RRM2: variants seen among roughly 807,000 people sequenced by gnomAD.
The protein encoded by RRM2 is ribonucleotide reductase regulatory subunit M2, also known as ribonucleoside-diphosphate reductase subunit M2.
RRM2 carries 6 observed loss-of-function variants against 45.9 expected under a neutral mutation model. The ratio of observed to expected loss-of-function variants is 0.13; its 90% CI spans 0.07 to 0.26. The LOEUF (loss-of-function observed/expected upper bound fraction) is 0.26, where lower values mean the gene tolerates loss of function less well. RRM2 is among the 10% of genes least tolerant of loss of function. The pLI is 1.00. For synonymous variants in RRM2, 177 were observed against 173.0 expected, an observed-to-expected ratio of 1.02 and a Z score of -0.18; for missense variants, 343 against 489.5, an observed-to-expected ratio of 0.70 and a Z score of 2.82.
chr2:10,148,803 A>T (rs1157633139), intron 3 of RRM2, among the ~76,000 whole-genome samples: 1 of 152,160 alleles, frequency 6.6e-6, no homozygotes, highest in African/African-American at 2.4e-5. Flanking sequence ...ATCTTTAAAT[A>T]TTTATGTTCC....
intron 3 of RRM2, among the ~76,000 whole-genome samples, chr2:10,173,249 C>T (rs62129922): frequency 0.3 from 46,094 of 152,000 alleles, 7,366 homozygotes; most frequent in South Asian, 0.5. Flanking sequence ...GTGTCGGCCA[C>T]GAAGATTATT....
At chr2:10,153,424 A>G (rs1663359030) in intron 3 of RRM2, among the ~76,000 whole-genome samples, 1 of 151,946 alleles carries the variant, frequency 6.6e-6, no homozygotes, top group African/African-American at 2.4e-5. Flanking sequence ...CTGCCTTGTT[A>G]GTTAATTTTT....
chr2:10,145,541 G>A (rs575483704), intron 3 of RRM2: 2 of 152,436 alleles, frequency 1.3e-5, no homozygotes, highest in East Asian at 3.9e-4. Flanking sequence ...GAACAACACT[G>A]GATTGGCAAG....
rs555007993 is a variant in RRM2 at position 10,204,682 on chromosome 2, C to G, written n.483-5629C>G. Among the ~76,000 whole-genome samples the G allele has an allele frequency of 3.9e-5, 6 of 152,260 alleles. No individual in the cohort carries two copies. Among genetic ancestry groups the G allele is most frequent in the Non-Finnish European group, 5.9e-5 (4 of 68,042 alleles). On this transcript the variant is annotated intron_variant and non_coding_transcript_variant, in intron 3 of 3. Coordinates refer to the RRM2 transcript ENST00000381786. This position sits in a 1 kb window ranked among gnomAD's most constrained non-coding sequence, Gnocchi z 4.0. ...TGATTCTGCCTGGCTTTTGTGAACA[C>G]GTCTGCGCTGACTAATTTGTTTAAT...
upstream of RRM2, among the ~76,000 whole-genome samples, chr2:10,141,032 C>T (rs200532753): frequency 3.9e-5 from 6 of 152,022 alleles, no homozygotes; most frequent in African/African-American, 9.7e-5. Context: ...GGCTGCATCT[C>T]GCCCACGTCG....
intron 3 of RRM2, among the ~76,000 whole-genome samples, chr2:10,159,471 G>A (rs912201872): frequency 6.6e-6 from 1 of 152,158 alleles, no homozygotes; most frequent in Non-Finnish European, 1.5e-5. Flanking sequence ...TCTCTCCTCC[G>A]ACTCAGTTCC....
At chr2:10,196,956 C>T (rs965121541) in intron 3 of RRM2, among the ~76,000 whole-genome samples, 2 of 152,204 alleles carry the variant, frequency 1.3e-5, no homozygotes, top group African/African-American at 2.4e-5. Context: ...AGCACCAACA[C>T]TGGCCTTTTG....
intron 3 of RRM2, among the ~76,000 whole-genome samples, chr2:10,153,648 A>C (rs912429930): frequency 6.6e-6 from 1 of 152,158 alleles, no homozygotes; most frequent in Non-Finnish European, 1.5e-5. Context: ...AGATTGGCAT[A>C]GTTCTCAGCA....
chr2:10,122,907 C>T lies in RRM2; in HGVS notation c.99+10C>T, dbSNP rs1048121243. On this transcript the variant is annotated intron_variant, in intron 1 of 9. Coordinates refer to ENST00000304567, the MANE Select transcript of RRM2 (RefSeq NM_001034.4). ...CGACAAGGAGAACACGGTGAGCCCG[C>T]GGGGAGGGCGCTGCGGGCAGGGGAG... 1.5e-5 allele frequency: 23 copies of T among 1,569,570 alleles called. No homozygotes were observed. Among genetic ancestry groups the T allele is most frequent in the East Asian group, 4.6e-5 (2 of 43,332 alleles).
At chr2:10,136,520 A>G (rs1285847544), upstream of RRM2, among the ~76,000 whole-genome samples, 8 of 152,308 alleles carry the variant, frequency 5.3e-5, no homozygotes, top group East Asian at 9.7e-4. Context: ...CTGCAATGTC[A>G]ACACTGGGAG....
intron 4 of RRM2, 64 bp from the exon 5 acceptor site, chr2:10,124,653 A>T: frequency 6.3e-7 from 1 of 1,584,240 alleles, no homozygotes; most frequent in South Asian, 1.1e-5. Flanking sequence ...TGCTGCCAGT[A>T]TCCGTTGACA....
chr2:10,145,679 C>T (rs900519117), intron 3 of RRM2: 6 of 152,326 alleles, frequency 3.9e-5, no homozygotes, highest in Non-Finnish European at 2.9e-5. Context: ...CTCAGTGGTC[C>T]TGGGCCCCAG....
intron 3 of RRM2, among the ~76,000 whole-genome samples, chr2:10,152,386 T>A (rs1036518671): frequency 1.3e-5 from 2 of 152,174 alleles, no homozygotes; most frequent in Admixed American, 6.5e-5. Context: ...TTTTATTCAG[T>A]GTCTTTTGAA....
At position 10,172,097 on chromosome 2, in the gene RRM2, G is replaced by C. The variant is rs78100192; in HGVS notation, n.482+29722G>C. ...TTGAGCATGAGTGCATTAACAGGGG[G>C]AACGTCTGTGTTTACAGGGCATGCG... is the stretch of plus-strand genomic sequence containing the variant. On this transcript the variant is annotated intron_variant and non_coding_transcript_variant, in intron 3 of 3. Transcript: ENST00000381786. This position sits in a 1 kb window ranked among gnomAD's most constrained non-coding sequence, Gnocchi z 4.9. 1.4e-3 allele frequency among the ~76,000 whole-genome samples: 218 copies of C among 152,344 alleles called. 1 individual carries two copies. Among genetic ancestry groups the C allele is most frequent in the African/African-American group, 4.9e-3 (204 of 41,572 alleles).
Position 10,209,332 on chromosome 2 carries a change from A to G in RRM2, n.483-979A>G, listed in dbSNP as rs190852371. Among the ~76,000 whole-genome samples the G allele has an allele frequency of 1.1e-3, 162 of 151,768 alleles. 1 individual carries two copies. Among genetic ancestry groups the G allele is most frequent in the Admixed American group, 9.8e-3 (149 of 15,252 alleles). The stretch of plus-strand genomic sequence containing the variant: ...CTTGGCCTCCCAAAGTGCTGGGATT[A>G]CCCCTGTGAGCCACCGCACCCAGCC... On this transcript the variant is annotated intron_variant and non_coding_transcript_variant, in intron 3 of 3. Transcript: ENST00000381786.
intron 3 of RRM2, among the ~76,000 whole-genome samples, chr2:10,178,995 G>A (rs1663989871): frequency 6.6e-6 from 1 of 152,166 alleles, no homozygotes; most frequent in Non-Finnish European, 1.5e-5. Flanking sequence ...AGAGCTGTGA[G>A]CAATAAGTTT....
At chr2:10,165,722 G>C (rs553343956) in intron 3 of RRM2, among the ~76,000 whole-genome samples, 1 of 152,222 alleles carries the variant, frequency 6.6e-6, no homozygotes, top group Non-Finnish European at 1.5e-5. Context: ...AAGGCAAAGA[G>C]ATCAGAGACT....
chr2:10,157,214 G>C (rs2125317279), intron 3 of RRM2, among the ~76,000 whole-genome samples: 1 of 152,138 alleles, frequency 6.6e-6, no homozygotes, highest in Non-Finnish European at 1.5e-5. Context: ...ATTTTTAGTA[G>C]AGACGGGGTT....
chr2:10,135,510 G>T (rs1662973559), downstream of RRM2, among the ~76,000 whole-genome samples: 1 of 152,130 alleles, frequency 6.6e-6, no homozygotes, highest in South Asian at 2.1e-4. Context: ...ATGCGTGCGG[G>T]TGTGGGATGT....
Sources: gnomAD v4.1 joint callset for allele counts (sites outside exome capture counted in the v4.1 genomes callset) on GRCh38, gnomAD v4.1.1 for gene constraint, Gnocchi (gnomAD v3.1) non-coding constraint, MANE v1.5 for transcripts, NCBI Gene and HGNC (gene_info 2026-07-23, HGNC 2026-07-21) for gene names.